Variants in EXOC4 observed in about 807,000 individuals in gnomAD.
EXOC4 encodes exocyst complex component 4.
In EXOC4, 71 loss-of-function variants were observed where a neutral mutation model predicts 107.2. The observed-to-expected ratio is 0.66, with a 90% confidence interval of 0.55 to 0.81. The LOEUF (loss-of-function observed/expected upper bound fraction) is 0.81. Among genes scored for constraint, EXOC4 ranks in the 30% least tolerant of loss-of-function variants. The probability of loss-of-function intolerance (pLI) is 0.00; values close to 1 mark genes in which losing one functional copy is unlikely to be tolerated. For synonymous variants in EXOC4, 456 were observed against 441.2 expected (o/e 1.03, Z -0.42); for missense variants, 1,108 against 1,189.6 (o/e 0.93, Z 1.01).
At chr7:133,452,117 C>G (rs966042916) in intron 7 of EXOC4, among the ~76,000 whole-genome samples, 1 of 151,976 alleles carries the variant, frequency 6.6e-6, no homozygotes, top group African/African-American at 2.4e-5. Flanking sequence ...GCCTGATGCA[C>G]TGTGAATTGC....
chr7:134,080,127 A>G, the EXOC4 span, among the ~76,000 whole-genome samples: 2 of 152,236 alleles, frequency 1.3e-5, no homozygotes, highest in African/African-American at 4.8e-5. Context: ...CTGATTAGAA[A>G]GTTTCATCCT....
At chr7:133,404,392 C>T (rs1329295971) in intron 7 of EXOC4, among the ~76,000 whole-genome samples, 3 of 152,094 alleles carry the variant, frequency 2.0e-5, no homozygotes, top group South Asian at 4.1e-4. Flanking sequence ...CGTGAGCCAC[C>T]GCGCCCAGCC....
In EXOC4 at chr7:134,044,329, T is replaced by C. The variant is rs1380507989; in HGVS notation, c.2688-19962T>C. Reference sequence around the variant, plus strand: ...AAGGTCATGAGATTTTTGAAAGCACTAGAAATTAGGAGACTAATTCTGAAG... The same window carrying C: ...AAGGTCATGAGATTTTTGAAAGCACCAGAAATTAGGAGACTAATTCTGAAG... On this transcript the variant is annotated intron_variant, in intron 17 of 17. Transcript: ENST00000253861. 2.6e-5 allele frequency among the ~76,000 whole-genome samples: 4 copies of C among 152,202 alleles called. No individual in the cohort carries two copies. In the East Asian group the frequency reaches 7.7e-4, roughly 29 times the overall value.
chr7:133,868,043 A>T (rs899466770), intron 11 of EXOC4, among the ~76,000 whole-genome samples: 3 of 152,208 alleles, frequency 2.0e-5, no homozygotes, highest in Non-Finnish European at 4.4e-5. Context: ...ATAAATTATA[A>T]TACTTTAAGC....
At chr7:133,341,933 C>T (rs1435629427) in intron 5 of EXOC4, among the ~76,000 whole-genome samples, 4 of 152,090 alleles carry the variant, frequency 2.6e-5, no homozygotes, top group Non-Finnish European at 5.9e-5. Flanking sequence ...TCTTATGTGT[C>T]AGGTGAGTCT....
intron 7 of EXOC4, among the ~76,000 whole-genome samples, chr7:133,386,209 A>G (rs1796722710): frequency 6.6e-6 from 1 of 152,218 alleles, no homozygotes; most frequent in African/African-American, 2.4e-5. Flanking sequence ...CAGTCAAGAA[A>G]GGTGAGGCTA....
intron 10 of EXOC4, among the ~76,000 whole-genome samples, chr7:133,699,673 A>T (rs1794615728): frequency 6.6e-6 from 1 of 152,102 alleles, no homozygotes; most frequent in Non-Finnish European, 1.5e-5. Flanking sequence ...CTTTCATCGC[A>T]TCCTGGCTCC....
At chr7:133,779,837 G>A (rs765295240) in intron 10 of EXOC4, among the ~76,000 whole-genome samples, 2 of 151,892 alleles carry the variant, frequency 1.3e-5, no homozygotes, top group African/African-American at 2.4e-5. Flanking sequence ...GGACATGGGC[G>A]GGGACAAATA....
At chr7:133,361,951 T>C (rs1239188666) in intron 6 of EXOC4, among the ~76,000 whole-genome samples, 1 of 152,212 alleles carries the variant, frequency 6.6e-6, no homozygotes, top group Non-Finnish European at 1.5e-5. Flanking sequence ...GTTTAAAGTG[T>C]TTATTTCCTT....
intron 10 of EXOC4, among the ~76,000 whole-genome samples, chr7:133,764,747 A>T (rs1322555103): frequency 2.6e-5 from 4 of 152,070 alleles, no homozygotes; most frequent in Non-Finnish European, 5.9e-5. Flanking sequence ...GCCATCAGCT[A>T]ACCCAGCTGG....
At chr7:133,610,262 G>T (rs1054891456) in intron 9 of EXOC4, among the ~76,000 whole-genome samples, 6 of 152,146 alleles carry the variant, frequency 3.9e-5, no homozygotes, top group African/African-American at 1.2e-4. Flanking sequence ...GAATCTCACT[G>T]TTGGAATTGA....
intron 9 of EXOC4, among the ~76,000 whole-genome samples, chr7:133,501,185 G>C (rs1799569398): frequency 6.6e-6 from 1 of 152,106 alleles, no homozygotes; most frequent in African/African-American, 2.4e-5. Flanking sequence ...AAGTTTGTAA[G>C]TTCTGAATAA....
At chr7:133,549,749 A>T (rs955487808) in intron 9 of EXOC4, among the ~76,000 whole-genome samples, 5 of 152,188 alleles carry the variant, frequency 3.3e-5, no homozygotes, top group Admixed American at 2.0e-4. Flanking sequence ...GTGCTGGTAC[A>T]TGTATTTTAA....
intron 10 of EXOC4, among the ~76,000 whole-genome samples, chr7:133,694,224 G>A (rs1000368168): frequency 2.1e-5 from 3 of 144,546 alleles, no homozygotes; most frequent in African/African-American, 5.2e-5. Context: ...TCACGCTGAT[G>A]TACTCCAGCC....
intron 11 of EXOC4, among the ~76,000 whole-genome samples, chr7:133,838,596 C>A (rs1326273048): frequency 6.6e-6 from 1 of 152,124 alleles, no homozygotes; most frequent in Non-Finnish European, 1.5e-5. Context: ...TCTTAAAATG[C>A]ACATTCTGAT....
intron 9 of EXOC4, among the ~76,000 whole-genome samples, chr7:133,576,061 A>G (rs974507463): frequency 1.3e-5 from 2 of 152,154 alleles, no homozygotes; most frequent in Admixed American, 6.5e-5. Flanking sequence ...TTTTCTTATT[A>G]TCTATTAGCA....
chr7:134,078,056 A>G, the EXOC4 span, among the ~76,000 whole-genome samples: 9 of 152,358 alleles, frequency 5.9e-5, no homozygotes, highest in Non-Finnish European at 1.0e-4. Context: ...GGGACAAGTC[A>G]GCCTAATACA....
intron 10 of EXOC4, among the ~76,000 whole-genome samples, chr7:133,778,963 G>A (rs1355829655): frequency 6.6e-6 from 1 of 152,118 alleles, no homozygotes; most frequent in South Asian, 2.1e-4. Flanking sequence ...ATATGATTTG[G>A]CCTTCTCTGT....
chr7:133,754,758 A>G (rs1795864084), intron 10 of EXOC4, among the ~76,000 whole-genome samples: 1 of 152,180 alleles, frequency 6.6e-6, no homozygotes, highest in African/African-American at 2.4e-5. Flanking sequence ...TTAGTTAATA[A>G]TAATTTTCTT....
Sources: gnomAD v4.1 joint callset for allele counts (sites outside exome capture counted in the v4.1 genomes callset) on GRCh38, gnomAD v4.1.1 for gene constraint, MANE v1.5 for transcripts, NCBI Gene and HGNC (gene_info 2026-07-23, HGNC 2026-07-21) for gene names.